The following AHI1 variants were observed in gnomAD, a reference collection of about 807,000 sequenced individuals.
The protein encoded by AHI1 is jouberin.
Under a neutral mutation model 149.3 loss-of-function variants are expected in AHI1, and 123 were observed. The ratio of observed to expected loss-of-function variants is 0.82; its 90% confidence interval spans 0.71 to 0.96. The LOEUF is 0.96. Among genes scored for constraint, AHI1 ranks in the 40% least tolerant of loss-of-function variants. The probability of loss-of-function intolerance (pLI) is 0.00; values close to 1 mark genes in which losing one functional copy is unlikely to be tolerated. For synonymous variants in AHI1, 475 were observed against 459.8 expected (o/e 1.03, Z -0.42); for missense variants, 1,439 against 1,422.7 (o/e 1.01, Z -0.18).
At chr6:135,452,645 G>A (rs567722918) in intron 11 of AHI1, among the ~76,000 whole-genome samples, 1 of 152,170 alleles carries the variant, frequency 6.6e-6, no homozygotes, top group Non-Finnish European at 1.5e-5. Flanking sequence ...GCTTCCTCTT[G>A]CTATAATGAC....
At chr6:135,462,824 C>G (rs550056233) in intron 8 of AHI1, among the ~76,000 whole-genome samples, 39 of 152,128 alleles carry the variant, frequency 2.6e-4, no homozygotes, top group Admixed American at 1.4e-3. Flanking sequence ...TCGCTTTAAC[C>G]CGGGAGGTGG....
At position 135,370,707 on chromosome 6, in the gene AHI1, G is replaced by T. The variant is rs148086783; in HGVS notation, c.3110-12520C>A. Among the ~76,000 whole-genome samples the T allele has an allele frequency of 2.5e-3, 382 of 152,154 alleles. 5 individuals carry two copies. Among genetic ancestry groups the T allele is most frequent in the African/African-American group, 8.4e-3 (350 of 41,520 alleles). ...TTGATGGCTTTTTAGTTTATGTGAG[G>T]TCTTCTCAATAATATGGTAAGAGTG... On this transcript the variant is annotated intron_variant, in intron 23 of 28. Transcript: ENST00000265602.
At chr6:135,386,350 G>A (rs562405721) in intron 23 of AHI1, among the ~76,000 whole-genome samples, 5 of 148,278 alleles carry the variant, frequency 3.4e-5, no homozygotes, top group Admixed American at 1.3e-4. Context: ...TCGCTCTTCC[G>A]CCCAGGCTGG....
At chr6:135,396,126 G>A (rs917299660) in intron 22 of AHI1, among the ~76,000 whole-genome samples, 2 of 151,596 alleles carry the variant, frequency 1.3e-5, no homozygotes, top group Admixed American at 1.3e-4. Flanking sequence ...ATGTTAATAT[G>A]GTTTTAAAGT....
chr6:135,467,559 TGTTA>T lies in AHI1; in HGVS notation c.189+18_189+21del. On this transcript the variant is annotated intron_variant, in intron 6 of 28. Transcript: ENST00000265602. ...GTGACTCTCATGCTCTTCTTCAGGC[TGTTA>T]GTGTTAGCAGTACTTACATCATCAC... 6.3e-7 allele frequency: 1 copy of T among 1,585,296 alleles called. No individual in the cohort carries two copies. The highest frequency in any genetic ancestry group is 8.7e-7 in the Non-Finnish European group (1 of 1,154,378).
At chr6:135,302,764 C>G (rs1337827239) in intron 26 of AHI1, 2 of 1,288,240 alleles carry the variant, frequency 1.6e-6, no homozygotes, top group Non-Finnish European at 2.0e-6. Context: ...CTCATGGAGG[C>G]AGAAGCAGGG....
chr6:135,363,413 T>C (rs1021188499), intron 23 of AHI1, among the ~76,000 whole-genome samples: 2 of 152,098 alleles, frequency 1.3e-5, no homozygotes, highest in African/African-American at 4.8e-5. Flanking sequence ...TTTTTCTTAG[T>C]ACAGAACAAA....
At chr6:135,295,674 G>A (rs1205362825) in intron 27 of AHI1, among the ~76,000 whole-genome samples, 1 of 152,198 alleles carries the variant, frequency 6.6e-6, no homozygotes, top group East Asian at 1.9e-4. Flanking sequence ...GACAGTGAGA[G>A]AAAGTAGATC....
chr6:135,363,886 C>CG (rs1794395233), intron 23 of AHI1, among the ~76,000 whole-genome samples: 1 of 139,330 alleles, frequency 7.2e-6, no homozygotes, highest in African/African-American at 2.7e-5. Flanking sequence ...GCTGGCCGGA[C>CG]GGGGGGCTGA....
Position 135,446,923 on chromosome 6 carries a change from GT to G in AHI1, c.1779+84del, listed in dbSNP as rs1787327495. The G allele has an allele frequency of 4.5e-6, 6 of 1,347,262 alleles. No homozygotes were observed. The African/African-American group carries it at 8.9e-5, about 20-fold the overall frequency. 83.5% of individuals were successfully genotyped at this position (1,347,262 alleles called of 1,614,324 possible). On this transcript the variant is annotated intron_variant, in intron 13 of 28. Transcript: ENST00000265602. ...GGATAAATAGCAAGCATTTTAAGTA[GT>G]AAGCTAGATATCCTAGGAGTTATTG...
chr6:135,468,342 A>G (rs552431281), intron 5 of AHI1, among the ~76,000 whole-genome samples: 1 of 152,288 alleles, frequency 6.6e-6, no homozygotes, highest in East Asian at 1.9e-4. Flanking sequence ...ACCCAAAGCT[A>G]GCAGAAGACA....
Position 135,284,794 on chromosome 6 carries a change from A to C in AHI1, c.*851T>G, listed in dbSNP as rs1343323550. 2.0e-5 allele frequency: 3 copies of C among 152,194 alleles called. No homozygotes were observed. The highest frequency in any genetic ancestry group is 4.4e-5 in the Non-Finnish European group (3 of 68,036). The allele number at this position is 152,194 out of a possible 1,614,324, so 9.4% of individuals were successfully genotyped here. A position where few individuals can be genotyped will look rare whatever the true frequency, so the allele number is the denominator to read the frequency against. On this transcript the variant is annotated 3_prime_UTR_variant, in exon 29 of 29. Coordinates refer to ENST00000265602, the MANE Select transcript of AHI1 (RefSeq NM_001134831.2). ...TATATGATTTGATCTTAAGAAACAC[A>C]AAATTTTAATTAGAAAGTAAATTGT...
chr6:135,298,126 T>A (rs911601706), intron 27 of AHI1, among the ~76,000 whole-genome samples: 2 of 152,114 alleles, frequency 1.3e-5, no homozygotes, highest in Non-Finnish European at 2.9e-5. Context: ...AGCAGCCTCA[T>A]TACCAACTCT....
chr6:135,435,548 A>G lies in AHI1; in HGVS notation c.2037-2292T>C, dbSNP rs144406854. Among the ~76,000 whole-genome samples the G allele has an allele frequency of 6.6e-5, 10 of 152,320 alleles. No homozygotes were observed. In the South Asian group the frequency reaches 1.2e-3, roughly 19 times the overall value. ...ATAAGATGCTAGGGTGTTTCAAAAG[A>G]TTACGTGGGTAAAGCAAAGGGTACA... On this transcript the variant is annotated intron_variant, in intron 15 of 28. Transcript: ENST00000265602.
At chr6:135,411,648 T>C in intron 20 of AHI1, 104 bp from the exon 21 acceptor site, 1 of 888,556 alleles carries the variant, frequency 1.1e-6, no homozygotes, top group Non-Finnish European at 1.6e-6. Flanking sequence ...ATAACACATC[T>C]TAAAAACTGG....
intron 23 of AHI1, among the ~76,000 whole-genome samples, chr6:135,363,505 C>T (rs909112468): frequency 6.7e-5 from 10 of 150,336 alleles, no homozygotes; most frequent in East Asian, 3.9e-4. Context: ...ACCTTTCCCC[C>T]CTTTCTATTC....
At chr6:135,333,682 T>C (rs919931549) in intron 24 of AHI1, among the ~76,000 whole-genome samples, 2 of 152,184 alleles carry the variant, frequency 1.3e-5, no homozygotes, top group African/African-American at 4.8e-5. Context: ...CCAGATATCT[T>C]CTGATAAAAT....
At chr6:135,444,156 T>A (rs1322852440) in intron 13 of AHI1, among the ~76,000 whole-genome samples, 2 of 152,204 alleles carry the variant, frequency 1.3e-5, no homozygotes, top group Non-Finnish European at 2.9e-5. Flanking sequence ...TGGTTCCTAC[T>A]TTCTGTCTCT....
At chr6:135,369,702 T>A (rs1774745259) in intron 23 of AHI1, among the ~76,000 whole-genome samples, 1 of 152,194 alleles carries the variant, frequency 6.6e-6, no homozygotes, top group South Asian at 2.1e-4. Flanking sequence ...GAATAATCTG[T>A]ATAATTTTTA....
Sources: allele counts gnomAD v4.1 joint callset (sites outside exome capture counted in the v4.1 genomes callset), GRCh38; gene constraint gnomAD v4.1.1; transcripts MANE v1.5; gene names NCBI Gene and HGNC (gene_info 2026-07-23, HGNC 2026-07-21).